The following SLC13A3 variants were observed in gnomAD, a reference collection of about 807,000 sequenced individuals.
SLC13A3 encodes Na(+)/dicarboxylate cotransporter 3.
SLC13A3 carries 40 observed loss-of-function variants against 59.0 expected under a neutral mutation model. The ratio of observed to expected loss-of-function variants is 0.68; its 90% CI spans 0.53 to 0.88. The LOEUF is 0.88. Among genes scored for constraint, SLC13A3 ranks in the 40% least tolerant of loss-of-function variants. The pLI is 0.00. For missense variants in SLC13A3, 699 were observed against 783.2 expected, an observed-to-expected ratio of 0.89 and a Z score of 1.28; for synonymous variants, 317 against 330.3, an observed-to-expected ratio of 0.96 and a Z score of 0.44.
At chr20:46,579,143 C>A (rs2062109730) in intron 9 of SLC13A3, among the ~76,000 whole-genome samples, 1 of 151,688 alleles carries the variant, frequency 6.6e-6, no homozygotes, top group Non-Finnish European at 1.5e-5. Flanking sequence ...CTCGATTTTT[C>A]TTTTTTTTCT....
intron 8 of SLC13A3, chr20:46,585,893 G>T (rs2062186111): frequency 2.0e-6 from 2 of 978,844 alleles, no homozygotes; most frequent in South Asian, 3.5e-5. Flanking sequence ...CAGGGAAGAG[G>T]TTGAGGCCCA....
At chr20:46,627,487 C>T (rs2062685781) in intron 1 of SLC13A3, among the ~76,000 whole-genome samples, 1 of 152,162 alleles carries the variant, frequency 6.6e-6, no homozygotes, top group Non-Finnish European at 1.5e-5. Context: ...CTGCTCAGCT[C>T]CTCTGATTGT....
At chr20:46,612,016 G>C (rs1179519600) in intron 2 of SLC13A3, among the ~76,000 whole-genome samples, 4 of 151,460 alleles carry the variant, frequency 2.6e-5, no homozygotes, top group Admixed American at 2.6e-4. Flanking sequence ...AGGTGTATGA[G>C]CAGTGCCTGA....
chr20:46,627,787 G>A lies in SLC13A3; in HGVS notation c.112-14062C>T, dbSNP rs540605150. 2.6e-5 allele frequency among the ~76,000 whole-genome samples: 4 copies of A among 152,286 alleles called. No individual in the cohort carries two copies. The South Asian group carries it at 8.3e-4, about 32-fold the overall frequency. On this transcript the variant is annotated intron_variant, in intron 1 of 12. Transcript: ENST00000279027. ...ACACATACGCAATACTGAATGTAAT[G>A]TCAAGATGTTGACAGATTAGTAGGG...
In SLC13A3 at chr20:46,658,815, C is replaced by A. The variant is rs138468766; in HGVS notation, c.-31+11228G>T. 7.9e-5 allele frequency among the ~76,000 whole-genome samples: 12 copies of A among 152,288 alleles called. 1 individual carries two copies. The East Asian group carries it at 2.3e-3, about 29-fold the overall frequency. ...CTCACTTTAGTTCTGTCAATTTTCA[C>A]TTCATAGATTTTGAAGCTCTGTTAT... On this transcript the variant is annotated intron_variant, in intron 1 of 12. Coordinates refer to the SLC13A3 transcript ENST00000290317.
chr20:46,654,425 C>A (rs2062970672), upstream of SLC13A3, among the ~76,000 whole-genome samples: 1 of 152,210 alleles, frequency 6.6e-6, no homozygotes, highest in Non-Finnish European at 1.5e-5. Context: ...AACCTTACTT[C>A]ATGCCCCTTT....
At chr20:46,598,066 A>T (rs73622678) in intron 4 of SLC13A3, among the ~76,000 whole-genome samples, 3,757 of 152,326 alleles carry the variant, frequency 0.025, 107 homozygotes, top group East Asian at 0.073. Context: ...TAAGATTTTT[A>T]AAAAAGTGTT....
At chr20:46,604,156 G>T (rs184260139) in intron 3 of SLC13A3, among the ~76,000 whole-genome samples, 2 of 152,200 alleles carry the variant, frequency 1.3e-5, no homozygotes, top group East Asian at 3.9e-4. Flanking sequence ...TAAGGGCAAG[G>T]TGGCTGTGTC....
At chr20:46,605,825 G>C (rs1286893521) in intron 3 of SLC13A3, among the ~76,000 whole-genome samples, 1 of 152,162 alleles carries the variant, frequency 6.6e-6, no homozygotes, top group African/African-American at 2.4e-5. Flanking sequence ...TTGACACGAA[G>C]AGGGCCCTCA....
intron 5 of SLC13A3, 147 bp downstream of exon 5, chr20:46,596,010 G>T: frequency 1.5e-6 from 1 of 654,840 alleles, no homozygotes; most frequent in Non-Finnish European, 2.5e-6. Flanking sequence ...CCAAGGGCAG[G>T]GATCTCACTG....
intron 1 of SLC13A3, among the ~76,000 whole-genome samples, chr20:46,617,609 C>CGTGTGCGT (rs1555880357): frequency 1.0e-3 from 72 of 69,266 alleles, no homozygotes; most frequent in African/African-American, 9.4e-3. Flanking sequence ...TGTGTGTGTG[C>CGTGTGCGT]GTGTGTGTGT....
At chr20:46,573,082 T>C (rs990497159) in intron 10 of SLC13A3, among the ~76,000 whole-genome samples, 2 of 152,236 alleles carry the variant, frequency 1.3e-5, no homozygotes, top group African/African-American at 2.4e-5. Context: ...CAAATAACAG[T>C]ACTTTTGCTC....
chr20:46,634,999 C>A (rs1172102543), intron 1 of SLC13A3, among the ~76,000 whole-genome samples: 2 of 152,128 alleles, frequency 1.3e-5, no homozygotes, highest in Non-Finnish European at 2.9e-5. Context: ...TGAAGTGAAA[C>A]CCTGCCCGAA....
chr20:46,656,826 T>C (rs1222346242), intron 1 of SLC13A3, among the ~76,000 whole-genome samples: 1 of 152,090 alleles, frequency 6.6e-6, no homozygotes. Flanking sequence ...TCTCTCTCTG[T>C]TGTTCACAGT....
intron 9 of SLC13A3, among the ~76,000 whole-genome samples, chr20:46,582,139 T>C (rs1054797454): frequency 6.6e-6 from 1 of 152,008 alleles, no homozygotes; most frequent in Non-Finnish European, 1.5e-5. Flanking sequence ...AAAAATTTTT[T>C]TGAGACAGGG....
At position 46,645,244 on chromosome 20, in the gene SLC13A3, C is replaced by G. The variant is rs1363314176; in HGVS notation, c.111+6067G>C. On this transcript the variant is annotated intron_variant, in intron 1 of 12. Transcript: ENST00000279027. ...CCGCCTGTGGATTACATCAGGTCCACCTGGATACTGCACAATAATCTCCCT... is the reference window on the plus strand; with the variant it reads ...CCGCCTGTGGATTACATCAGGTCCAGCTGGATACTGCACAATAATCTCCCT... Among the ~76,000 whole-genome samples the G allele has an allele frequency of 4.6e-5, 7 of 152,334 alleles. No homozygotes were observed. The South Asian group carries it at 1.2e-3, about 27-fold the overall frequency.
intron 7 of SLC13A3, 151 bp downstream of exon 7, chr20:46,589,009 C>T: frequency 1.5e-6 from 1 of 674,010 alleles, no homozygotes; most frequent in South Asian, 1.9e-5. Context: ...CTGTGTAAAC[C>T]ACCTCCCATC....
rs187782710 is a variant in SLC13A3, at chr20:46,589,347, C to T, written c.921-92G>A. ...GCACCACCACCTGACCAAGCCACAT[C>T]CTCTCTGTCCGGGAGGCTGCAACTG... is the stretch of plus-strand genomic sequence containing the variant. On this transcript the variant is annotated intron_variant, in intron 6 of 12. Transcript: ENST00000279027. The T allele has an allele frequency of 6.8e-6, 7 of 1,026,450 alleles. No individual in the cohort carries two copies. In the East Asian group the frequency reaches 7.1e-5, roughly 10 times the overall value. The allele number at this position is 1,026,450 out of a possible 1,614,324, so 63.6% of individuals were successfully genotyped here.
intron 1 of SLC13A3, among the ~76,000 whole-genome samples, chr20:46,647,110 A>G (rs539813717): frequency 6.6e-6 from 1 of 152,204 alleles, no homozygotes; most frequent in Non-Finnish European, 1.5e-5. Flanking sequence ...AGGTGGATCC[A>G]GCTGTGCACC....
Sources: allele counts gnomAD v4.1 joint callset (sites outside exome capture counted in the v4.1 genomes callset), GRCh38; gene constraint gnomAD v4.1.1; transcripts MANE v1.5; gene names NCBI Gene and HGNC (gene_info 2026-07-23, HGNC 2026-07-21).